RARB: variants seen among roughly 807,000 people sequenced by gnomAD.
RARB encodes retinoic acid receptor beta.
In RARB, 17 loss-of-function variants were observed where a neutral mutation model predicts 51.9. The ratio of observed to expected loss-of-function variants is 0.33; its 90% confidence interval spans 0.22 to 0.49. The LOEUF is 0.49. Ranked by LOEUF, RARB falls within the 20% of genes least tolerant of loss-of-function variation. The pLI is 0.99. For missense variants in RARB, 369 were observed against 550.8 expected (o/e 0.67, Z 3.30); for synonymous variants, 215 against 195.4 (o/e 1.10, Z -0.84).
intron 2 of RARB, among the ~76,000 whole-genome samples, chr3:24,950,938 A>T (rs900761352): frequency 1.3e-5 from 2 of 152,182 alleles, no homozygotes; most frequent in Non-Finnish European, 2.9e-5. Flanking sequence ...GAATCTGGTC[A>T]ACACTTCTAG....
At chr3:25,227,121 C>T (rs576886260) in intron 5 of RARB, among the ~76,000 whole-genome samples, 1 of 152,274 alleles carries the variant, frequency 6.6e-6, no homozygotes, top group East Asian at 1.9e-4. Flanking sequence ...GCATGTTTGC[C>T]ATTTAAGAGA....
intron 2 of RARB, among the ~76,000 whole-genome samples, chr3:24,960,215 G>A (rs1219269718): frequency 1.3e-5 from 2 of 152,250 alleles, no homozygotes; most frequent in Middle Eastern, 3.4e-3. Flanking sequence ...GGAGTTTTTA[G>A]GGCACACATC....
chr3:25,589,622 CA>C (rs1346492003), intron 5 of RARB, among the ~76,000 whole-genome samples: 1 of 152,224 alleles, frequency 6.6e-6, no homozygotes, highest in Non-Finnish European at 1.5e-5. Flanking sequence ...GTTCCATTAA[CA>C]AGTGGGCCTC....
chr3:24,971,146 C>T (rs1696389463), intron 2 of RARB, among the ~76,000 whole-genome samples: 1 of 151,934 alleles, frequency 6.6e-6, no homozygotes, highest in African/African-American at 2.4e-5. Context: ...CTAATGACAT[C>T]TATTGAAGGG....
At chr3:25,343,871 G>C (rs1278862473) in intron 5 of RARB, among the ~76,000 whole-genome samples, 1 of 152,098 alleles carries the variant, frequency 6.6e-6, no homozygotes, top group Non-Finnish European at 1.5e-5. Context: ...CAAGGGCCTT[G>C]GTGAAGAAGG....
chr3:25,366,262 A>G (rs1264996670), intron 5 of RARB, among the ~76,000 whole-genome samples: 2 of 152,228 alleles, frequency 1.3e-5, no homozygotes, highest in African/African-American at 4.8e-5. Flanking sequence ...TCTCAAGGCT[A>G]ACAAGTAGTA....
intron 2 of RARB, among the ~76,000 whole-genome samples, chr3:24,958,569 T>C (rs1445276390): frequency 1.3e-5 from 2 of 152,216 alleles, no homozygotes; most frequent in Non-Finnish European, 2.9e-5. Flanking sequence ...AATTTATCTG[T>C]GCTTTCTTTC....
intron 5 of RARB, among the ~76,000 whole-genome samples, chr3:25,292,228 G>T (rs941607542): frequency 2.0e-5 from 3 of 152,138 alleles, no homozygotes; most frequent in African/African-American, 4.8e-5. Context: ...GCGATGCAGC[G>T]AGTTTAGGGC....
intron 1 of RARB, among the ~76,000 whole-genome samples, chr3:25,449,954 G>A (rs534954014): frequency 1.3e-5 from 2 of 151,812 alleles, no homozygotes; most frequent in Non-Finnish European, 2.9e-5. Context: ...GTTTCACTAC[G>A]TTGGCCAGGC....
chr3:25,467,723 C>T (rs1338792835), intron 2 of RARB, among the ~76,000 whole-genome samples: 1 of 152,238 alleles, frequency 6.6e-6, no homozygotes, highest in Non-Finnish European at 1.5e-5. Context: ...CATTTGGTTA[C>T]ATACCGTCTT....
chr3:25,399,971 C>A (rs771311138), intron 5 of RARB, among the ~76,000 whole-genome samples: 2 of 152,066 alleles, frequency 1.3e-5, no homozygotes, highest in Admixed American at 1.3e-4. Flanking sequence ...ACTTGCAAAA[C>A]GGGGATAAGA....
intron 2 of RARB, among the ~76,000 whole-genome samples, chr3:24,918,695 C>G (rs112483676): frequency 1.6e-3 from 240 of 152,158 alleles, no homozygotes; most frequent in Non-Finnish European, 2.6e-3. Flanking sequence ...CCATCCTGGC[C>G]AACAGGCCAA....
intron 4 of RARB, among the ~76,000 whole-genome samples, chr3:25,165,558 C>A (rs990657005): frequency 6.6e-6 from 1 of 152,054 alleles, no homozygotes; most frequent in Non-Finnish European, 1.5e-5. Context: ...GCCAGTCATT[C>A]GCTTGGCTTG....
intron 2 of RARB, among the ~76,000 whole-genome samples, chr3:25,050,503 T>C (rs1036576375): frequency 1.3e-5 from 2 of 152,222 alleles, no homozygotes; most frequent in African/African-American, 4.8e-5. Context: ...AAAAGTATTA[T>C]GTGTATTCAC....
chr3:24,967,152 G>A (rs1275073950), intron 2 of RARB, among the ~76,000 whole-genome samples: 1 of 151,958 alleles, frequency 6.6e-6, no homozygotes, highest in African/African-American at 2.4e-5. Flanking sequence ...CGGCCCGTGG[G>A]CTTCCATAGT....
intron 5 of RARB, among the ~76,000 whole-genome samples, chr3:25,197,325 C>G (rs1232617502): frequency 1.3e-5 from 2 of 152,092 alleles, no homozygotes; most frequent in Non-Finnish European, 2.9e-5. Flanking sequence ...AATAGGGAAT[C>G]CTTTCCCCAT....
At chr3:24,878,841 A>G (rs889892454) in intron 2 of RARB, among the ~76,000 whole-genome samples, 1 of 152,182 alleles carries the variant, frequency 6.6e-6, no homozygotes, top group Non-Finnish European at 1.5e-5. Flanking sequence ...TTGCCCGGAG[A>G]AAAACCTTAC....
chr3:25,110,362 C>T lies in RARB; in HGVS notation c.-327-21799C>T, dbSNP rs114825123. On this transcript the variant is annotated intron_variant, in intron 3 of 11. Coordinates refer to the RARB transcript ENST00000383772. ...CTCATTTAAGCCTTGATTTTGTCTC[C>T]GAGGAACTTTACAAATGAGGAAACT... Among the ~76,000 whole-genome samples the T allele has an allele frequency of 2.8e-3, 431 of 152,228 alleles. 1 individual carries two copies. Among genetic ancestry groups the T allele is most frequent in the African/African-American group, 4.9e-3 (204 of 41,540 alleles).
chr3:25,501,862 T>C lies in RARB; in HGVS notation c.448+539T>C, dbSNP rs151251091. On this transcript the variant is annotated intron_variant, in intron 3 of 7. Transcript: ENST00000330688. ...CTTTTCCAAACAATAATGCACTTTA[T>C]TAGTGCAAAAGATATTTTAAAAATA... Among the ~76,000 whole-genome samples, 149 of 152,334 alleles carry C rather than the reference T, an allele frequency of 9.8e-4. 1 individual carries two copies. Among genetic ancestry groups the C allele is most frequent in the Non-Finnish European group, 1.7e-3 (118 of 68,018 alleles).
Sources: allele counts gnomAD v4.1 joint callset (sites outside exome capture counted in the v4.1 genomes callset), GRCh38; gene constraint gnomAD v4.1.1; transcripts MANE v1.5; gene names NCBI Gene and HGNC (gene_info 2026-07-23, HGNC 2026-07-21).